Variants in TENT5D observed in about 807,000 individuals in gnomAD.
TENT5D encodes cancer/testis antigen 112.
For missense variants in TENT5D, 191 were observed against 287.0 expected (o/e 0.67, Z 2.42); for synonymous variants, 103 against 100.6 (o/e 1.02, Z -0.15).
chrX:80,397,205 TTC>T (rs1392183898), intron 3 of TENT5D, among the ~76,000 whole-genome samples: 1 of 101,122 alleles, frequency 9.9e-6, no homozygotes, highest in Non-Finnish European at 2.0e-5. Flanking sequence ...GTCTCCTCAC[TTC>T]TCAGACGGGG....
chrX:80,437,321 G>A (rs775916535), intron 1 of TENT5D, among the ~76,000 whole-genome samples: 12 of 111,783 alleles, frequency 1.1e-4, no homozygotes, highest in Non-Finnish European at 2.1e-4. Context: ...ATCAAAATCA[G>A]TATTTTATTT....
At chrX:80,350,337 T>G (rs946608471) in intron 3 of TENT5D, among the ~76,000 whole-genome samples, 7 of 112,035 alleles carry the variant, frequency 6.2e-5, no homozygotes, top group Non-Finnish European at 1.3e-4. Flanking sequence ...GTTCCTCTTT[T>G]GGGTGCATAT....
chrX:80,377,463 C>T (rs972256421), intron 3 of TENT5D, among the ~76,000 whole-genome samples: 1 of 111,226 alleles, frequency 9.0e-6, no homozygotes, highest in Non-Finnish European at 1.9e-5. Flanking sequence ...TCAGTTCCCA[C>T]CTATGAGTGA....
chrX:80,337,252 T>C (rs1160000753), intron 2 of TENT5D, among the ~76,000 whole-genome samples: 1 of 111,864 alleles, frequency 8.9e-6, no homozygotes, highest in Non-Finnish European at 1.9e-5. Flanking sequence ...ATAAAATGTG[T>C]GTGCAAAATA....
At chrX:80,385,550 G>A (rs373570173) in intron 3 of TENT5D, among the ~76,000 whole-genome samples, 4 of 111,859 alleles carry the variant, frequency 3.6e-5, no homozygotes, top group African/African-American at 9.7e-5. Context: ...AGCAATGGCA[G>A]CAAAAGCCAG....
chrX:80,397,898 C>T (rs957683134), intron 3 of TENT5D, among the ~76,000 whole-genome samples: 4 of 111,407 alleles, frequency 3.6e-5, no homozygotes, highest in Admixed American at 9.4e-5. Context: ...AGCTTCGGCT[C>T]GGCATCAGAG....
chrX:80,352,516 A>G (rs1283839615), intron 3 of TENT5D, among the ~76,000 whole-genome samples: 1 of 109,936 alleles, frequency 9.1e-6, no homozygotes, highest in African/African-American at 3.3e-5. Context: ...CCCCCCACCA[A>G]GCTCCGTTGT....
At chrX:80,397,368 G>A (rs1308688273) in intron 3 of TENT5D, among the ~76,000 whole-genome samples, 1 of 108,628 alleles carries the variant, frequency 9.2e-6, no homozygotes, top group East Asian at 3.0e-4. Context: ...TTCCTAGATG[G>A]GATGGCGGCC....
chrX:80,386,798 A>T (rs944017455), intron 3 of TENT5D, among the ~76,000 whole-genome samples: 3 of 111,456 alleles, frequency 2.7e-5, no homozygotes, highest in Non-Finnish European at 3.8e-5. Flanking sequence ...CAAAATCAAC[A>T]GGGCACTACA....
intron 3 of TENT5D, among the ~76,000 whole-genome samples, chrX:80,376,986 A>T (rs1234923450): frequency 1.8e-5 from 2 of 111,108 alleles, no homozygotes; most frequent in Admixed American, 1.9e-4. Flanking sequence ...TGACTATTAT[A>T]GGGGCTGCTG....
chrX:80,378,446 T>A (rs1266064350), intron 3 of TENT5D, among the ~76,000 whole-genome samples: 1 of 111,936 alleles, frequency 8.9e-6, no homozygotes, highest in African/African-American at 3.2e-5. Context: ...GTTTCAGCTT[T>A]CTACATATAG....
At chrX:80,399,318 C>A (rs1245682215) in intron 3 of TENT5D, among the ~76,000 whole-genome samples, 5 of 112,050 alleles carry the variant, frequency 4.5e-5, no homozygotes, top group East Asian at 2.8e-4. Context: ...CAATTTAATT[C>A]TTTTGCATGT....
intron 3 of TENT5D, among the ~76,000 whole-genome samples, chrX:80,396,301 T>C (rs1390964253): frequency 9.0e-6 from 1 of 110,662 alleles, no homozygotes; most frequent in Non-Finnish European, 1.9e-5. Context: ...TTATTGATCA[T>C]TCTTGGGTGT....
At chrX:80,386,059 C>T (rs1233258365) in intron 3 of TENT5D, among the ~76,000 whole-genome samples, 1 of 112,060 alleles carries the variant, frequency 8.9e-6, no homozygotes, top group African/African-American at 3.2e-5. Flanking sequence ...TTGACCCAAC[C>T]ATCCCATTAC....
chrX:80,444,961 G>C lies in TENT5D; in HGVS notation c.*1252G>C, dbSNP rs372395947. The C allele has an allele frequency of 8.2e-5, 10 of 122,400 alleles. No individual in the cohort carries two copies. The East Asian group carries it at 2.5e-3, about 31-fold the overall frequency. The allele number at this position is 122,400 out of a possible 1,213,427, so 10.1% of individuals were successfully genotyped here. On this transcript the variant is annotated 3_prime_UTR_variant, in exon 3 of 3. Transcript: ENST00000308293. Reference sequence around the variant, plus strand: ...TAAATTAATATGGATCAGGCCATTGGAAAACTTCAGTATTTCCACTTGGTT... The same window carrying C: ...TAAATTAATATGGATCAGGCCATTGCAAAACTTCAGTATTTCCACTTGGTT...
intron 3 of TENT5D, among the ~76,000 whole-genome samples, chrX:80,391,886 A>G (rs1423878294): frequency 8.9e-6 from 1 of 112,435 alleles, no homozygotes; most frequent in Non-Finnish European, 1.9e-5. Flanking sequence ...AGACACATTC[A>G]CTCTTAAAGC....
intron 3 of TENT5D, among the ~76,000 whole-genome samples, chrX:80,398,628 G>T (rs1455167074): frequency 2.7e-5 from 3 of 110,520 alleles, no homozygotes; most frequent in Non-Finnish European, 3.8e-5. Context: ...CGTGTATATG[G>T]ATATCTAGTT....
intron 3 of TENT5D, among the ~76,000 whole-genome samples, chrX:80,413,843 C>A (rs1931719379): frequency 9.0e-6 from 1 of 111,416 alleles, no homozygotes; most frequent in South Asian, 3.7e-4. Flanking sequence ...TTGGTCAAAC[C>A]CAGTGGGAAA....
At chrX:80,423,718 A>G (rs1931932576) in intron 1 of TENT5D, among the ~76,000 whole-genome samples, 1 of 110,674 alleles carries the variant, frequency 9.0e-6, no homozygotes, top group African/African-American at 3.3e-5. Context: ...AAAAAAAAAA[A>G]AGTGCCCACC....
Sources: allele counts gnomAD v4.1 joint callset (sites outside exome capture counted in the v4.1 genomes callset), GRCh38; gene constraint gnomAD v4.1.1; transcripts MANE v1.5; gene names NCBI Gene and HGNC (gene_info 2026-07-23, HGNC 2026-07-21).